PLA2G4B: variants seen among roughly 807,000 people sequenced by gnomAD.
PLA2G4B encodes cytosolic phospholipase A2 beta.
PLA2G4B carries 122 observed loss-of-function variants against 95.8 expected under a neutral mutation model. The observed-to-expected ratio is 1.27, with a 90% CI of 1.10 to 1.48. The LOEUF (loss-of-function observed/expected upper bound fraction) is 1.48, where lower values mean the gene tolerates loss of function less well. Ranked by LOEUF, PLA2G4B falls within the 40% of genes most tolerant of loss-of-function variation. PLA2G4B has a pLI of 0.00. For missense variants in PLA2G4B, 1,158 were observed against 996.2 expected (o/e 1.16, Z -2.19); for synonymous variants, 518 against 421.5 (o/e 1.23, Z -2.80).
At chr15:41,844,354 C>G in intron 11 of PLA2G4B, 117 bp from the exon 12 acceptor site, 1 of 1,533,308 alleles carries the variant, frequency 6.5e-7, no homozygotes, top group Non-Finnish European at 8.9e-7. Context: ...GTCCCAAGAC[C>G]TGTGATCAGG....
Position 41,841,525 on chromosome 15 carries a change from G to C in PLA2G4B, c.444G>C (p.Glu148Asp), listed in dbSNP as rs780725356. ...CTGTCTTCATGACTCAGGCCCGGGA[G>C]CTCTCCTGCTTGCACGTTCAACTGG... ...LVSNGVLVAR[E>D]LSCLHVQLEE... Residue 148 changes from glutamate to aspartate, a missense_variant, in exon 7 of 20, where the codon GAG (glutamate) becomes GAC (aspartate). By Grantham distance (45) the Glu-to-Asp change is conservative. Coordinates refer to ENST00000458483, the MANE Select transcript of PLA2G4B (RefSeq NM_001114633.2). The C allele has an allele frequency of 3.7e-6, 6 of 1,614,068 alleles. No homozygotes were observed. The highest frequency in any genetic ancestry group is 5.1e-6 in the Non-Finnish European group (6 of 1,180,000).
Position 41,845,257 on chromosome 15 carries a change from C to G in PLA2G4B, c.1294C>G (p.Pro432Ala), listed in dbSNP as rs139843238. The G allele has an allele frequency of 9.3e-6, 15 of 1,614,062 alleles. 1 individual carries two copies. The African/African-American group carries it at 1.9e-4, about 20-fold the overall frequency. Residue 432 changes from proline (P) to alanine (A), a missense_variant, in exon 14 of 20, where the codon CCT (proline) becomes GCT (alanine). Physicochemically the swap from Pro to Ala is conservative, Grantham distance 27. Transcript: ENST00000458483. ...GGAGGCCCTGAGTCATGGCCAGAAC[C>G]CTCTGCCCATCTACTGTGCCCTCAA... Reference protein sequence around the residue: ...QREALSHGQNPLPIYCALNTK... With the variant: ...QREALSHGQNALPIYCALNTK...
intron 11 of PLA2G4B, among the ~76,000 whole-genome samples, chr15:41,844,210 G>A (rs914021972): frequency 3.9e-5 from 6 of 152,202 alleles, no homozygotes; most frequent in African/African-American, 9.7e-5. Context: ...GAAAGTGAGC[G>A]TCAGGCTCGG....
At position 41,841,594 on chromosome 15, in the gene PLA2G4B, C is replaced by T. The variant is rs1227499181; in HGVS notation, c.490+23C>T. 1.9e-6 allele frequency: 3 copies of T among 1,613,810 alleles called. No homozygotes were observed. The African/African-American group carries it at 4.0e-5, about 22-fold the overall frequency. ...AGTGTGAGTCCCCAACCCACTGGGACAGCCCCTGGCTCTCAGCTCTTGTCT... is the reference window on the plus strand; with the variant it reads ...AGTGTGAGTCCCCAACCCACTGGGATAGCCCCTGGCTCTCAGCTCTTGTCT... On this transcript the variant is annotated intron_variant, in intron 7 of 19. Transcript: ENST00000458483.
chr15:41,845,256 C>T lies in PLA2G4B; in HGVS notation c.1293C>T (p.Asn431=), dbSNP rs775390275. The part of the protein sequence containing the change: ...DQREALSHGQ[N]PLPIYCALNT... ...GGGAGGCCCTGAGTCATGGCCAGAA[C>T]CCTCTGCCCATCTACTGTGCCCTCA... The change falls in exon 14 of 20, where the codon AAC becomes AAT. Residue 431 remains asparagine (N), a synonymous_variant. Transcript: ENST00000458483. The T allele has an allele frequency of 3.1e-6, 5 of 1,614,158 alleles. No homozygotes were observed. Among genetic ancestry groups the T allele is most frequent in the East Asian group, 4.5e-5 (2 of 44,878 alleles).
chr15:41,841,952 A>G lies in PLA2G4B; in HGVS notation c.621+3A>G, dbSNP rs756214038. On this transcript the variant is annotated splice_donor_region_variant and intron_variant, in intron 8 of 19. Coordinates refer to ENST00000458483, the MANE Select transcript of PLA2G4B (RefSeq NM_001114633.2). Reference sequence around the variant, plus strand: ...AGGAGCTGAGTATTCGCCTGCAGGTAGTGTGCCTCGCTCCCTCGAGGTGGG... The same window carrying G: ...AGGAGCTGAGTATTCGCCTGCAGGTGGTGTGCCTCGCTCCCTCGAGGTGGG... 6.2e-7 allele frequency: 1 copy of G among 1,610,014 alleles called. No individual in the cohort carries two copies. Among genetic ancestry groups the G allele is most frequent in the African/African-American group, 1.3e-5 (1 of 74,916 alleles).
In PLA2G4B at chr15:41,847,428, A is replaced by G; in HGVS notation, c.2039A>G (p.Glu680Gly). ...PSPEEQLQPR[E>G]CHTFSDPTCP... Reference sequence around the variant, plus strand: ...CCCGAAGAGCAGCTCCAGCCTCGGGAGTGCCACACCTTCTCCGACCCCACC... The same window carrying G: ...CCCGAAGAGCAGCTCCAGCCTCGGGGGTGCCACACCTTCTCCGACCCCACC... Residue 680 changes from glutamate to glycine, a missense_variant, in exon 19 of 20, where the codon GAG (glutamate) becomes GGG (glycine). Transcript: ENST00000458483. 6.2e-7 allele frequency: 1 copy of G among 1,613,378 alleles called. No individual in the cohort carries two copies. The highest frequency in any genetic ancestry group is 8.5e-7 in the Non-Finnish European group (1 of 1,179,880).
In PLA2G4B at chr15:41,846,974, G is replaced by C. The variant is rs149367100; in HGVS notation, c.1947+139G>C. On this transcript the variant is annotated intron_variant, in intron 18 of 19. Transcript: ENST00000458483. ...ACACTGGAATCTTAATTTGCCACCA[G>C]AGGAGCTCATTCTTTTCCGGAAGTT... 240 of 1,226,946 alleles carry C rather than the reference G, an allele frequency of 2.0e-4. No individual in the cohort carries two copies. The African/African-American group carries it at 2.9e-3, about 15-fold the overall frequency. The allele number at this position is 1,226,946 out of a possible 1,614,324, so 76.0% of individuals were successfully genotyped here. A position where few individuals can be genotyped will look rare whatever the true frequency, so the allele number is the denominator to read the frequency against.
intron 1 of PLA2G4B, 89 bp downstream of exon 1, chr15:41,839,011 C>A: frequency 8.9e-7 from 1 of 1,125,822 alleles, no homozygotes; most frequent in South Asian, 1.4e-5. Flanking sequence ...GAGCTGTGGT[C>A]TTCTCCAGGG....
chr15:41,847,467 C>T lies in PLA2G4B; in HGVS notation c.2078C>T (p.Pro693Leu). The change falls in exon 19 of 20, where the codon CCT becomes CTT. Residue 693 changes from proline (P) to leucine (L), a missense_variant. By Grantham distance (98) the Pro-to-Leu change is moderately conservative (BLOSUM62 -3). Coordinates refer to ENST00000458483, the MANE Select transcript of PLA2G4B (RefSeq NM_001114633.2). Reference sequence around the variant, plus strand: ...TCCGACCCCACCTGCCCCGGAGCCCCTGCGGTGCTGCACTTTCCTCTGGTC... The same window carrying T: ...TCCGACCCCACCTGCCCCGGAGCCCTTGCGGTGCTGCACTTTCCTCTGGTC... ...TFSDPTCPGAPAVLHFPLVSD... is the reference protein window; with the variant it reads ...TFSDPTCPGALAVLHFPLVSD... 1 of 1,613,070 alleles carries T rather than the reference C, an allele frequency of 6.2e-7. No individual in the cohort carries two copies. The highest frequency in any genetic ancestry group is 8.5e-7 in the Non-Finnish European group (1 of 1,179,540).
At position 41,843,800 on chromosome 15, in the gene PLA2G4B, C is replaced by T. The variant is rs1351027132; in HGVS notation, c.868C>T (p.Gln290Ter). The T allele has an allele frequency of 4.3e-6, 7 of 1,613,854 alleles. No homozygotes were observed. Among genetic ancestry groups the T allele is most frequent in the South Asian group, 1.1e-5 (1 of 91,072 alleles). ...GGCCCTGCAGCTGGACGGAGACCTG[C>T]AGGAGGATGAGGTTTGGGGGCTGGG... ...RQALQLDGDLQEDEIPVVAIM... is the reference protein window; with the variant it reads ...RQALQLDGDL The change falls in exon 11 of 20, where the codon CAG (glutamine) becomes TAG (stop). Residue 290 changes from glutamine to a stop codon, truncating the protein, a stop_gained. Coordinates refer to ENST00000458483, the MANE Select transcript of PLA2G4B (RefSeq NM_001114633.2). LOFTEE classifies it high-confidence loss of function.
At position 41,842,231 on chromosome 15, in the gene PLA2G4B, C is replaced by T. The variant is rs372312791; in HGVS notation, c.660C>T (p.Ala220=). Residue 220 remains alanine, a synonymous_variant, in exon 9 of 20, where the codon GCC becomes GCT. Transcript: ENST00000458483. ...PEEQLKAPLS[A]LPSGQVVRLV... is the part of the protein sequence containing the mutation. ...AGCAACTAAAGGCGCCACTGAGTGC[C>T]CTGCCCTCTGGTCAAGTGGTGAGGC... The T allele has an allele frequency of 1.2e-6, 2 of 1,614,108 alleles. No homozygotes were observed. The highest frequency in any genetic ancestry group is 2.2e-5 in the South Asian group (2 of 91,084).
At position 41,841,525 on chromosome 15, in the gene PLA2G4B, G is replaced by A; in HGVS notation, c.444G>A (p.Glu148=). ...CTGTCTTCATGACTCAGGCCCGGGA[G>A]CTCTCCTGCTTGCACGTTCAACTGG... ...LVSNGVLVAR[E]LSCLHVQLEE... is the part of the protein sequence containing the mutation. Residue 148 remains glutamate (E), a synonymous_variant, in exon 7 of 20, where the codon GAG becomes GAA. Transcript: ENST00000458483. The A allele has an allele frequency of 6.2e-7, 1 of 1,614,068 alleles. No homozygotes were observed. Among genetic ancestry groups the A allele is most frequent in the East Asian group, 2.2e-5 (1 of 44,872 alleles).
intron 18 of PLA2G4B, 95 bp from the exon 19 acceptor site, chr15:41,847,235 TTTTGGCA>T: frequency 2.0e-6 from 3 of 1,482,930 alleles, no homozygotes; most frequent in South Asian, 2.7e-5. Flanking sequence ...CTGGAGACCG[TTTTGGCA>T]TTTGAGCCCC....
Position 41,846,364 on chromosome 15 carries a change from C to CACTTCTCCACATGGAAAGGTA in PLA2G4B, c.1763_1780+3dup, listed in dbSNP as rs2065545927. The CACTTCTCCACATGGAAAGGTA allele has an allele frequency of 6.2e-7, 1 of 1,606,364 alleles. No individual in the cohort carries two copies. The highest frequency in any genetic ancestry group is 1.7e-5 in the Admixed American group (1 of 59,900). On this transcript the variant is annotated inframe_insertion, in exon 17 of 20. Transcript: ENST00000458483. ...CCACAAAGACTACTTTCAGCATCCT[C>CACTTCTCCACATGGAAAGGTA]ACTTCTCCACATGGAAAGGTACCTG... is the stretch of plus-strand genomic sequence containing the variant.
rs2065476473 is a variant in PLA2G4B at position 41,843,607 on chromosome 15, G to C, written c.744-69G>C. ...GAGGGCAGTAGGTATTACAGGTGAGGCAGACCCAGCTTTCCATTCTCTGGG... is the reference window on the plus strand; with the variant it reads ...GAGGGCAGTAGGTATTACAGGTGAGCCAGACCCAGCTTTCCATTCTCTGGG... On this transcript the variant is annotated intron_variant, in intron 10 of 19. Coordinates refer to ENST00000458483, the MANE Select transcript of PLA2G4B (RefSeq NM_001114633.2). 11 of 1,575,110 alleles carry C rather than the reference G, an allele frequency of 7.0e-6. No individual in the cohort carries two copies. The South Asian group carries it at 1.2e-4, about 17-fold the overall frequency.
At chr15:41,842,712 G>A in intron 10 of PLA2G4B, 121 bp downstream of exon 10, 1 of 1,479,842 alleles carries the variant, frequency 6.8e-7, no homozygotes, top group Non-Finnish European at 9.0e-7. Context: ...CTCTCTGAAG[G>A]GGCTCAGGCT....
chr15:41,838,959 C>T (rs1252634744), intron 1 of PLA2G4B, 37 bp downstream of exon 1: 3 of 1,542,422 alleles, frequency 1.9e-6, no homozygotes, highest in Middle Eastern at 1.7e-4. Flanking sequence ...CTACTGGGAC[C>T]CCTGGTCTCT....
intron 10 of PLA2G4B, 53 bp downstream of exon 10, chr15:41,842,644 G>C: frequency 6.3e-7 from 1 of 1,594,440 alleles, no homozygotes; most frequent in Non-Finnish European, 8.5e-7. Flanking sequence ...ACCAGGGTGC[G>C]GGGCTGGAGG....
Sources: gnomAD v4.1 joint callset for allele counts (sites outside exome capture counted in the v4.1 genomes callset) on GRCh38, gnomAD v4.1.1 for gene constraint, MANE v1.5 for transcripts, NCBI Gene and HGNC (gene_info 2026-07-23, HGNC 2026-07-21) for gene names.